The following HIVEP3 variants were observed in gnomAD, a reference collection of about 807,000 sequenced individuals.
HIVEP3 encodes the protein HIVEP zinc finger 3, also known as transcription factor HIVEP3.
HIVEP3 carries 49 observed loss-of-function variants against 152.8 expected under a neutral mutation model. The ratio of observed to expected loss-of-function variants is 0.32; its 90% confidence interval spans 0.26 to 0.41. The LOEUF (loss-of-function observed/expected upper bound fraction) is 0.41, where lower values mean the gene tolerates loss of function less well. HIVEP3 is among the 10% of genes least tolerant of loss of function. The pLI is 1.00. For missense variants in HIVEP3, 2,790 were observed against 3,103.3 expected, an observed-to-expected ratio of 0.90 and a Z score of 2.40; for synonymous variants, 1,269 against 1,289.0, an observed-to-expected ratio of 0.98 and a Z score of 0.33.
At chr1:41,727,077 A>T (rs145037904) in intron 1 of HIVEP3, among the ~76,000 whole-genome samples, 2,210 of 152,016 alleles carry the variant, frequency 0.015, 26 homozygotes, top group Non-Finnish European at 0.018. Context: ...GTGTTGGGGG[A>T]GAAGACTGCA....
chr1:41,534,004 C>G (rs1441180948), intron 5 of HIVEP3, among the ~76,000 whole-genome samples: 1 of 152,122 alleles, frequency 6.6e-6, no homozygotes, highest in African/African-American at 2.4e-5. Context: ...TGGGCTTCAT[C>G]CTTGATGGCT....
chr1:41,653,753 G>A (rs1645587282), intron 2 of HIVEP3, among the ~76,000 whole-genome samples: 1 of 152,088 alleles, frequency 6.6e-6, no homozygotes, highest in Non-Finnish European at 1.5e-5. Flanking sequence ...TAAGCTGTGT[G>A]GCTCAGCAGT....
At chr1:41,542,819 G>T in intron 5 of HIVEP3, 1 of 164,764 alleles carries the variant, frequency 6.1e-6, no homozygotes, top group Admixed American at 5.7e-5. Context: ...CGTATGACAC[G>T]GAGCTTGAAC....
intron 1 of HIVEP3, among the ~76,000 whole-genome samples, chr1:41,827,660 G>A (rs892928068): frequency 9.2e-5 from 14 of 152,278 alleles, no homozygotes; most frequent in African/African-American, 3.4e-4. Context: ...TGATAGGGGG[G>A]CCACAGATGT....
At chr1:41,602,341 T>A (rs1462584605) in intron 3 of HIVEP3, among the ~76,000 whole-genome samples, 1 of 152,170 alleles carries the variant, frequency 6.6e-6, no homozygotes, top group Non-Finnish European at 1.5e-5. Context: ...TTAAAAAATA[T>A]TTTGGTAGAA....
In HIVEP3 at chr1:41,509,383, A is replaced by G. The variant is rs1257422906; in HGVS notation, c.*1068T>C. On this transcript the variant is annotated 3_prime_UTR_variant, in exon 9 of 9. Coordinates refer to ENST00000372583, the MANE Select transcript of HIVEP3 (RefSeq NM_024503.5). ...AGTTCCCCGCAAACCTCTGCTGTGGAGAACTGGAAAAACCCAGCCATGAGG... is the reference window on the plus strand; with the variant it reads ...AGTTCCCCGCAAACCTCTGCTGTGGGGAACTGGAAAAACCCAGCCATGAGG... The G allele has an allele frequency of 6.6e-6, 1 of 152,194 alleles. No individual in the cohort carries two copies. The highest frequency in any genetic ancestry group is 1.9e-4 in the East Asian group (1 of 5,194). The allele number at this position is 152,194 out of a possible 1,614,324, so 9.4% of individuals were successfully genotyped here.
Position 41,583,153 on chromosome 1 carries a change from T to G in HIVEP3, c.1645A>C (p.Thr549Pro). Residue 549 changes from threonine (T) to proline (P), a missense_variant, in exon 4 of 9, where the codon ACT becomes CCT. Around this residue, in one of 9 missense-constraint regions of HIVEP3, gnomAD observed 339 missense variants for 327.0 expected, o/e 1.04. Coordinates refer to ENST00000372583, the MANE Select transcript of HIVEP3 (RefSeq NM_024503.5). This position sits in a 1 kb window ranked among gnomAD's most constrained non-coding sequence, Gnocchi z 6.9. ...AAGGGGTGGTGGGGGGTGCTGATAGTGCAGGCGGCAGAAGGCATTGAGTGG... is the reference window on the plus strand; with the variant it reads ...AAGGGGTGGTGGGGGGTGCTGATAGGGCAGGCGGCAGAAGGCATTGAGTGG... The part of the protein sequence containing the change: ...RSHSMPSAAC[T>P]ISTPHHPFRG... The G allele has an allele frequency of 1.2e-6, 2 of 1,611,362 alleles. No individual in the cohort carries two copies. Among genetic ancestry groups the G allele is most frequent in the Non-Finnish European group, 1.7e-6 (2 of 1,179,290 alleles).
chr1:41,778,053 G>T (rs2124277416), intron 1 of HIVEP3, among the ~76,000 whole-genome samples: 1 of 152,376 alleles, frequency 6.6e-6, no homozygotes, highest in South Asian at 2.1e-4. Context: ...CCTCCTGGGG[G>T]TGTTGTTCTG....
chr1:41,676,474 TTCAC>T (rs1324204287), intron 2 of HIVEP3, among the ~76,000 whole-genome samples: 1 of 152,150 alleles, frequency 6.6e-6, no homozygotes, highest in African/African-American at 2.4e-5. Flanking sequence ...GTCTCAGAAA[TTCAC>T]TGTGGGAGCA....
rs1412153973 is a variant in HIVEP3, at chr1:41,954,781, T to C, written n.120-36257A>G. ...GGCCCAGGGCAGGTTGCTTCATCGC[T>C]CTTAGTCCGAGTCTCCTCATTTGTG... On this transcript the variant is annotated intron_variant and non_coding_transcript_variant, in intron 1 of 3. Transcript: ENST00000489103. 1.7e-3 allele frequency among the ~76,000 whole-genome samples: 256 copies of C among 152,334 alleles called. 2 individuals carry two copies. Among genetic ancestry groups the C allele is most frequent in the African/African-American group, 5.9e-3 (244 of 41,582 alleles).
intron 1 of HIVEP3, among the ~76,000 whole-genome samples, chr1:41,825,856 C>A (rs529072713): frequency 1.2e-4 from 18 of 152,136 alleles, no homozygotes; most frequent in Non-Finnish European, 1.9e-4. Context: ...GATCTGCCCA[C>A]TTCGGCCTCC....
At chr1:41,569,860 C>T (rs1459763454) in intron 5 of HIVEP3, among the ~76,000 whole-genome samples, 1 of 152,152 alleles carries the variant, frequency 6.6e-6, no homozygotes, top group Non-Finnish European at 1.5e-5. Flanking sequence ...TAGAAAAGTA[C>T]ACTCGTTAAA....
chr1:41,690,715 C>G (rs898636546), intron 2 of HIVEP3, among the ~76,000 whole-genome samples: 24 of 152,162 alleles, frequency 1.6e-4, no homozygotes, highest in African/African-American at 5.8e-4. Flanking sequence ...GTCGGGAGTT[C>G]GAGACCAGCC....
At chr1:41,716,454 A>T (rs944641588) in intron 1 of HIVEP3, among the ~76,000 whole-genome samples, 1 of 152,180 alleles carries the variant, frequency 6.6e-6, no homozygotes, top group Non-Finnish European at 1.5e-5. Flanking sequence ...GGCACCCACC[A>T]TGTACAGAAG....
chr1:41,804,453 C>T (rs1650485768), intron 1 of HIVEP3, among the ~76,000 whole-genome samples: 1 of 152,228 alleles, frequency 6.6e-6, no homozygotes, highest in Non-Finnish European at 1.5e-5. Context: ...CATTTTACAG[C>T]TGAAGCAACT....
chr1:41,622,990 A>G (rs559701985), intron 3 of HIVEP3, among the ~76,000 whole-genome samples: 11 of 152,364 alleles, frequency 7.2e-5, no homozygotes, highest in Admixed American at 3.9e-4. Context: ...TGAGGCACAG[A>G]GAAGTGAAGT....
intron 3 of HIVEP3, among the ~76,000 whole-genome samples, chr1:41,628,134 A>C (rs1645143863): frequency 6.6e-6 from 1 of 152,210 alleles, no homozygotes; most frequent in Admixed American, 6.5e-5. Context: ...CCCCAGGCTC[A>C]TTTGATCACT....
intron 1 of HIVEP3, among the ~76,000 whole-genome samples, chr1:41,809,708 G>A (rs1300880466): frequency 6.6e-6 from 1 of 152,188 alleles, no homozygotes; most frequent in African/African-American, 2.4e-5. Context: ...AGATGATCTA[G>A]GCCATATGGT....
intron 2 of HIVEP3, among the ~76,000 whole-genome samples, chr1:41,647,440 A>G (rs1558145918): frequency 6.6e-6 from 1 of 152,330 alleles, no homozygotes; most frequent in African/African-American, 2.4e-5. Flanking sequence ...ACCGGGCACA[A>G]GCTGTTTCCA....
Sources: allele counts gnomAD v4.1 joint callset (sites outside exome capture counted in the v4.1 genomes callset), GRCh38; gene constraint gnomAD v4.1.1; regional missense constraint gnomAD v4.1.1; non-coding constraint Gnocchi (gnomAD v3.1); transcripts MANE v1.5; gene names NCBI Gene and HGNC (gene_info 2026-07-23, HGNC 2026-07-21).